OOEP: variants seen among roughly 807,000 people sequenced by gnomAD.
The protein encoded by OOEP is oocyte expressed protein.
OOEP carries 16 observed loss-of-function variants against 13.7 expected under a neutral mutation model. The ratio of observed to expected loss-of-function variants is 1.16; its 90% CI spans 0.79 to 1.77. The LOEUF (loss-of-function observed/expected upper bound fraction) is 1.77. Ranked by LOEUF, OOEP falls within the 40% of genes most tolerant of loss-of-function variation. The probability of loss-of-function intolerance (pLI) is 0.00; values close to 1 mark genes in which losing one functional copy is unlikely to be tolerated. For synonymous variants in OOEP, 89 were observed against 77.1 expected (o/e 1.15, Z -0.81); for missense variants, 195 against 193.1 (o/e 1.01, Z -0.06).
chr6:73,382,653 G>A (rs908195696), intron 2 of OOEP, among the ~76,000 whole-genome samples: 2 of 151,580 alleles, frequency 1.3e-5, no homozygotes, highest in African/African-American at 4.8e-5. Context: ...GAGTCACCAC[G>A]CCCAGCCTAC....
intron 1 of OOEP, chr6:73,394,618 G>C (rs979551787): frequency 9.1e-6 from 3 of 330,164 alleles, no homozygotes; most frequent in African/African-American, 4.7e-5. Context: ...ATACACAGTG[G>C]GGGGGTGGGG....
chr6:73,372,419 G>A (rs536207455), upstream of OOEP, among the ~76,000 whole-genome samples: 57 of 152,294 alleles, frequency 3.7e-4, no homozygotes, highest in African/African-American at 1.3e-3. Flanking sequence ...GGCTAGTTCA[G>A]TTATTTCTTC....
At chr6:73,385,009 T>A (rs1234508218) in intron 2 of OOEP, among the ~76,000 whole-genome samples, 1 of 149,436 alleles carries the variant, frequency 6.7e-6, no homozygotes, top group African/African-American at 2.4e-5. Context: ...AGTGCTGGGA[T>A]TACAGGTGTA....
intron 2 of OOEP, among the ~76,000 whole-genome samples, chr6:73,381,806 C>T (rs1442535946): frequency 6.6e-6 from 1 of 152,096 alleles, no homozygotes; most frequent in Non-Finnish European, 1.5e-5. Context: ...CATGGCGAAA[C>T]CCATGTCTAC....
intron 2 of OOEP, among the ~76,000 whole-genome samples, chr6:73,387,459 A>G (rs930035643): frequency 6.6e-6 from 1 of 152,106 alleles, no homozygotes; most frequent in Non-Finnish European, 1.5e-5. Context: ...GGTTGCAGTG[A>G]GCCGAGATAG....
chr6:73,393,215 C>T (rs1431304541), intron 2 of OOEP, among the ~76,000 whole-genome samples: 4 of 151,846 alleles, frequency 2.6e-5, no homozygotes, highest in Non-Finnish European at 5.9e-5. Flanking sequence ...ACCTCCCTGG[C>T]TCAGTGATCC....
chr6:73,385,150 T>G (rs997755532), intron 2 of OOEP, among the ~76,000 whole-genome samples: 3 of 151,340 alleles, frequency 2.0e-5, no homozygotes, highest in South Asian at 2.1e-4. Context: ...ATTGAGACCA[T>G]CCTGGCTAAC....
In OOEP at chr6:73,394,481, C is replaced by A. The variant is rs116686677; in HGVS notation, c.-111G>T. On this transcript the variant is annotated 5_prime_UTR_variant, in exon 2 of 4. Coordinates refer to the OOEP transcript ENST00000370363. Reference sequence around the variant, plus strand: ...GACCTGCCTGGGCAACACGGCGACACCCCGTCTCTATTTAAAAAGAAAAAA... The same window carrying A: ...GACCTGCCTGGGCAACACGGCGACAACCCGTCTCTATTTAAAAAGAAAAAA... 1.7e-5 allele frequency: 11 copies of A among 654,158 alleles called. No individual in the cohort carries two copies. In the African/African-American group the frequency reaches 1.8e-4, roughly 11 times the overall value. 40.5% of individuals were successfully genotyped at this position (654,158 alleles called of 1,614,324 possible).
Position 73,368,627 on chromosome 6 carries a change from G to C in OOEP, c.*157C>G. Reference sequence around the variant, plus strand: ...TGGCAAAATAGCCATTTCTTTATTAGAATAGTTCAAACTCACTCTTGCAAC... The same window carrying C: ...TGGCAAAATAGCCATTTCTTTATTACAATAGTTCAAACTCACTCTTGCAAC... On this transcript the variant is annotated 3_prime_UTR_variant, in exon 3 of 3. Coordinates refer to ENST00000370359, the MANE Select transcript of OOEP (RefSeq NM_001080507.3). 1 of 592,098 alleles carries C rather than the reference G, an allele frequency of 1.7e-6. No individual in the cohort carries two copies. Among genetic ancestry groups the C allele is most frequent in the Non-Finnish European group, 3.0e-6 (1 of 332,828 alleles). The allele number at this position is 592,098 out of a possible 1,614,324, so 36.7% of individuals were successfully genotyped here. A position where few individuals can be genotyped will look rare whatever the true frequency, so the allele number is the denominator to read the frequency against.
At position 73,369,263 on chromosome 6, in the gene OOEP, G is replaced by A. The variant is rs1179160604; in HGVS notation, c.313C>T (p.Arg105Trp). 1.2e-6 allele frequency: 2 copies of A among 1,613,796 alleles called. No individual in the cohort carries two copies. Among genetic ancestry groups the A allele is most frequent in the African/African-American group, 1.3e-5 (1 of 74,914 alleles). ...TVFGRPRVQN[R>W]VKSMLLCLAW... Reference sequence around the variant, plus strand: ...AGGCACAGGAGCATGCTCTTCACCCGATTCTGTACACGGGGCCGCCCGAAA... The same window carrying A: ...AGGCACAGGAGCATGCTCTTCACCCAATTCTGTACACGGGGCCGCCCGAAA... Residue 105 changes from arginine to tryptophan, a missense_variant, in exon 2 of 3, where the codon CGG becomes TGG. Physicochemically the swap from Arg to Trp is moderately radical, Grantham distance 101. Transcript: ENST00000370359.
At chr6:73,391,356 T>C in intron 2 of OOEP, 1 of 153,202 alleles carries the variant, frequency 6.5e-6, no homozygotes, top group Non-Finnish European at 1.5e-5. Flanking sequence ...GTTTTTGGAT[T>C]CTGCTAGCTC....
chr6:73,386,746 A>C lies in OOEP; in HGVS notation c.25+7600T>G, dbSNP rs186082012. Reference sequence around the variant, plus strand: ...TTTTGGAGGCCAAGGCGGGTGGATCACCTGAGGTCATGAGTTCAGGACCAG... The same window carrying C: ...TTTTGGAGGCCAAGGCGGGTGGATCCCCTGAGGTCATGAGTTCAGGACCAG... On this transcript the variant is annotated intron_variant, in intron 2 of 3. Transcript: ENST00000370363. 5.9e-3 allele frequency among the ~76,000 whole-genome samples: 890 copies of C among 151,998 alleles called. 11 individuals are homozygous for C. Among genetic ancestry groups the C allele is most frequent in the African/African-American group, 0.02 (825 of 41,464 alleles).
intron 1 of OOEP, 95 bp from the exon 2 acceptor site, chr6:73,369,480 A>C: frequency 6.7e-7 from 1 of 1,497,986 alleles, no homozygotes; most frequent in Non-Finnish European, 9.1e-7. Flanking sequence ...AAGAACTGGA[A>C]GGTGGGCATC....
chr6:73,372,114 TA>T (rs966573151), upstream of OOEP, among the ~76,000 whole-genome samples: 1 of 152,066 alleles, frequency 6.6e-6, no homozygotes, highest in East Asian at 1.9e-4. Flanking sequence ...AAAATAAACC[TA>T]AAAAAATTAA....
chr6:73,389,882 C>T (rs1322951112), intron 2 of OOEP, among the ~76,000 whole-genome samples: 1 of 152,156 alleles, frequency 6.6e-6, no homozygotes, highest in African/African-American at 2.4e-5. Flanking sequence ...ATTCGTGTTA[C>T]CTGGAATTAC....
chr6:73,372,356 C>G (rs1303381528), upstream of OOEP, among the ~76,000 whole-genome samples: 1 of 152,104 alleles, frequency 6.6e-6, no homozygotes, highest in African/African-American at 2.4e-5. Context: ...ATGCTGGACA[C>G]CGTGAAGCAG....
In OOEP at chr6:73,369,711, G is replaced by A. The variant is rs778667279; in HGVS notation, c.82C>T (p.Pro28Ser). Reference protein sequence around the residue: ...AHSLEQLRRLPLPPPQIRIRP... With the variant: ...AHSLEQLRRLSLPPPQIRIRP... ...ATGCGAATCTGTGGCGGCGGAAGTGGTAACCTACGCAGCTGCTCCAGGGAG... is the reference window on the plus strand; with the variant it reads ...ATGCGAATCTGTGGCGGCGGAAGTGATAACCTACGCAGCTGCTCCAGGGAG... Residue 28 changes from proline to serine, a missense_variant, in exon 1 of 3, where the codon CCA becomes TCA. Physicochemically the swap from Pro to Ser is moderately conservative, Grantham distance 74. Transcript: ENST00000370359. 1.9e-6 allele frequency: 3 copies of A among 1,613,900 alleles called. No individual in the cohort carries two copies. The African/African-American group carries it at 4.0e-5, about 22-fold the overall frequency.
intron 2 of OOEP, among the ~76,000 whole-genome samples, chr6:73,389,605 A>G (rs1472753961): frequency 2.0e-5 from 3 of 151,658 alleles, no homozygotes; most frequent in Non-Finnish European, 4.4e-5. Context: ...GTTGTGAAAA[A>G]ATTTAAAATA....
In OOEP at chr6:73,368,844, A is replaced by G; in HGVS notation, c.390T>C (p.Leu130=). 1.2e-6 allele frequency: 2 copies of G among 1,613,564 alleles called. No homozygotes were observed. The highest frequency in any genetic ancestry group is 1.1e-5 in the South Asian group (1 of 91,054). The change falls in exon 3 of 3, where the codon CTT becomes CTC. Residue 130 remains leucine, a synonymous_variant. Transcript: ENST00000370359. ...HRARAEKMKH[L]EKNLKAHASD... ...ATGCATGGGCCTTCAAGTTCTTCTC[A>G]AGGTGTTTCATCTTCTCAGCTGGAA... is the stretch of plus-strand genomic sequence containing the variant.
Sources: gnomAD v4.1 joint callset for allele counts (sites outside exome capture counted in the v4.1 genomes callset) on GRCh38, gnomAD v4.1.1 for gene constraint, MANE v1.5 for transcripts, NCBI Gene and HGNC (gene_info 2026-07-23, HGNC 2026-07-21) for gene names.